Variants in RARB observed in about 807,000 individuals in gnomAD.
The protein encoded by RARB is HBV-activated protein.
RARB carries 17 observed loss-of-function variants against 51.9 expected under a neutral mutation model. The observed-to-expected ratio is 0.33, with a 90% confidence interval of 0.22 to 0.49. The LOEUF (loss-of-function observed/expected upper bound fraction) is 0.49. Among genes scored for constraint, RARB ranks in the 20% least tolerant of loss-of-function variants. RARB has a pLI of 0.99. For missense variants in RARB, 369 were observed against 550.8 expected (o/e 0.67, Z 3.30); for synonymous variants, 215 against 195.4 (o/e 1.10, Z -0.84).
intron 5 of RARB, among the ~76,000 whole-genome samples, chr3:25,403,626 A>C (rs1359019982): frequency 6.6e-6 from 1 of 152,004 alleles, no homozygotes; most frequent in Non-Finnish European, 1.5e-5. Context: ...AAAAATAAAA[A>C]TTTCAGCTCT....
At chr3:25,334,868 T>G (rs1468914388) in intron 5 of RARB, among the ~76,000 whole-genome samples, 2 of 152,212 alleles carry the variant, frequency 1.3e-5, no homozygotes, top group African/African-American at 4.8e-5. Context: ...AAAGAAATAT[T>G]CATCATGGCT....
intron 5 of RARB, among the ~76,000 whole-genome samples, chr3:25,385,554 C>G (rs1435952097): frequency 1.3e-5 from 2 of 152,136 alleles, no homozygotes; most frequent in Non-Finnish European, 2.9e-5. Flanking sequence ...CTCAGTTTCC[C>G]CTACCACGAG....
chr3:25,284,229 G>A (rs1415026955), intron 5 of RARB, among the ~76,000 whole-genome samples: 2 of 152,194 alleles, frequency 1.3e-5, no homozygotes, highest in Admixed American at 1.3e-4. Flanking sequence ...ACTTGAAAGT[G>A]GACCTTCCCC....
At chr3:25,437,664 G>C (rs1257645181) in intron 1 of RARB, among the ~76,000 whole-genome samples, 1 of 152,294 alleles carries the variant, frequency 6.6e-6, no homozygotes, top group Non-Finnish European at 1.5e-5. Context: ...TATATGGTGG[G>C]TGATCAAGTG....
rs555629894 is a variant in RARB at position 25,591,897 on chromosome 3, G to T, written c.787-1606G>T. Among the ~76,000 whole-genome samples, 4 of 152,266 alleles carry T rather than the reference G, an allele frequency of 2.6e-5. No homozygotes were observed. The South Asian group carries it at 8.3e-4, about 32-fold the overall frequency. On this transcript the variant is annotated intron_variant, in intron 5 of 7. Coordinates refer to ENST00000330688, the MANE Select transcript of RARB (RefSeq NM_000965.5). The stretch of plus-strand genomic sequence containing the variant: ...TGGCTCCTAGGTCACTGCCTTCTTG[G>T]AGATTTAGAGAACCCAAAAGCATGT...
intron 2 of RARB, among the ~76,000 whole-genome samples, chr3:24,900,602 T>A (rs978587064): frequency 2.7e-5 from 4 of 150,284 alleles, no homozygotes; most frequent in Non-Finnish European, 5.9e-5. Context: ...TTGTTTTGCT[T>A]AATAATTATC....
intron 5 of RARB, among the ~76,000 whole-genome samples, chr3:25,225,097 G>C (rs999661669): frequency 6.6e-6 from 1 of 151,814 alleles, no homozygotes; most frequent in Non-Finnish European, 1.5e-5. Context: ...TAGTGCTTTC[G>C]GGGTGCCCTT....
intron 2 of RARB, among the ~76,000 whole-genome samples, chr3:24,972,877 A>G (rs1283029798): frequency 1.3e-5 from 2 of 152,000 alleles, no homozygotes; most frequent in African/African-American, 2.4e-5. Context: ...TATTCTGGTT[A>G]ATAATCCCTT....
chr3:24,863,900 T>C (rs946361544), intron 2 of RARB, among the ~76,000 whole-genome samples: 2 of 152,078 alleles, frequency 1.3e-5, no homozygotes, highest in Non-Finnish European at 2.9e-5. Context: ...TGTGTGAGGA[T>C]GGAGGCATAC....
intron 1 of RARB, among the ~76,000 whole-genome samples, chr3:24,830,168 C>T (rs1016146182): frequency 2.6e-5 from 4 of 151,944 alleles, no homozygotes; most frequent in Non-Finnish European, 1.5e-5. Flanking sequence ...GCTGTGTGCG[C>T]GCTTTGGCAG....
chr3:25,083,311 T>C (rs570682536), intron 3 of RARB, among the ~76,000 whole-genome samples: 2 of 152,294 alleles, frequency 1.3e-5, no homozygotes, highest in East Asian at 1.9e-4. Flanking sequence ...TTTTATGTTG[T>C]CCCACAGATC....
At chr3:25,088,545 C>T (rs1051931225) in intron 3 of RARB, among the ~76,000 whole-genome samples, 12 of 152,046 alleles carry the variant, frequency 7.9e-5, no homozygotes, top group Admixed American at 3.3e-4. Context: ...TCAAGGGAAC[C>T]GGGCTGGGAA....
intron 2 of RARB, among the ~76,000 whole-genome samples, chr3:24,870,521 T>C (rs527850501): frequency 1.3e-5 from 2 of 152,170 alleles, no homozygotes; most frequent in African/African-American, 4.8e-5. Context: ...TATTTCTTTA[T>C]ACTAAGTCTT....
At chr3:25,160,521 A>G (rs778936068) in intron 4 of RARB, among the ~76,000 whole-genome samples, 1 of 152,176 alleles carries the variant, frequency 6.6e-6, no homozygotes, top group Non-Finnish European at 1.5e-5. Flanking sequence ...ATTTTCCACT[A>G]TGTGTGAAAA....
intron 5 of RARB, among the ~76,000 whole-genome samples, chr3:25,404,055 C>G (rs945035733): frequency 6.6e-6 from 1 of 151,930 alleles, no homozygotes; most frequent in African/African-American, 2.4e-5. Flanking sequence ...AGAGCCTAAT[C>G]TTGGACAGTG....
chr3:24,873,395 G>A (rs1268251650), intron 2 of RARB, among the ~76,000 whole-genome samples: 1 of 151,956 alleles, frequency 6.6e-6, no homozygotes, highest in South Asian at 2.1e-4. Context: ...TATTTAAATT[G>A]TTAACAATTA....
At chr3:25,278,692 G>C (rs1321554318) in intron 5 of RARB, among the ~76,000 whole-genome samples, 1 of 152,162 alleles carries the variant, frequency 6.6e-6, no homozygotes, top group Non-Finnish European at 1.5e-5. Context: ...GAAAGAGATA[G>C]CAAAATAGCA....
At chr3:25,487,596 G>C (rs2125588696) in intron 2 of RARB, among the ~76,000 whole-genome samples, 1 of 151,948 alleles carries the variant, frequency 6.6e-6, no homozygotes, top group Non-Finnish European at 1.5e-5. Context: ...TATATTTTTG[G>C]AGCTTTGAGC....
upstream of RARB, among the ~76,000 whole-genome samples, chr3:25,427,514 A>C (rs1332643811): frequency 6.6e-6 from 1 of 152,168 alleles, no homozygotes; most frequent in Non-Finnish European, 1.5e-5. Context: ...TGTTTTTTCA[A>C]GTCCAGATCT....
Sources: gnomAD v4.1 joint callset for allele counts (sites outside exome capture counted in the v4.1 genomes callset) on GRCh38, gnomAD v4.1.1 for gene constraint, MANE v1.5 for transcripts, NCBI Gene and HGNC (gene_info 2026-07-23, HGNC 2026-07-21) for gene names.